The following IL1RN variants were observed in gnomAD, a reference collection of about 807,000 sequenced individuals.
IL1RN encodes interleukin-1 receptor antagonist protein.
IL1RN carries 10 observed loss-of-function variants against 13.7 expected under a neutral mutation model. That is an observed-to-expected ratio of 0.73 (90% CI 0.45 to 1.24). The LOEUF is 1.24. IL1RN is among the 50% of genes most tolerant of loss of function. The pLI is 0.00. For synonymous variants in IL1RN, 102 were observed against 82.7 expected, an observed-to-expected ratio of 1.23 and a Z score of -1.27; for missense variants, 213 against 222.1, an observed-to-expected ratio of 0.96 and a Z score of 0.26.
chr2:113,132,526 T>C, intron 3 of IL1RN, 130 bp from the exon 4 acceptor site: 1 of 787,628 alleles, frequency 1.3e-6, no homozygotes, highest in Non-Finnish European at 2.2e-6. Context: ...TGGGGGCTTT[T>C]AGGGTATGGC....
At chr2:113,127,439 G>A (rs949086412), upstream of IL1RN, 6 of 1,391,150 alleles carry the variant, frequency 4.3e-6, no homozygotes, top group African/African-American at 1.5e-5. Context: ...ACACTCCATT[G>A]CGACACTTAG....
upstream of IL1RN, among the ~76,000 whole-genome samples, chr2:113,127,004 A>C (rs1686984734): frequency 6.6e-6 from 1 of 152,232 alleles, no homozygotes; most frequent in Non-Finnish European, 1.5e-5. Flanking sequence ...CGCTTTTGCA[A>C]AGAAAGTTGT....
intron 2 of IL1RN, chr2:113,121,364 C>A: frequency 1.4e-6 from 1 of 711,460 alleles, no homozygotes; most frequent in Non-Finnish European, 1.7e-6. Context: ...AAGTGTAACA[C>A]AGAGCCTAAA....
upstream of IL1RN, among the ~76,000 whole-genome samples, chr2:113,113,745 G>A (rs1216358841): frequency 1.3e-5 from 2 of 152,100 alleles, no homozygotes; most frequent in African/African-American, 4.8e-5. Flanking sequence ...TATGTCAATC[G>A]TACCTCAGTA....
rs4251970 is a variant in IL1RN, at chr2:113,118,196, A to G, written c.10+168A>G. Among the ~76,000 whole-genome samples, 31,775 of 152,156 alleles carry G rather than the reference A, an allele frequency of 0.21. 4,048 individuals are homozygous for G. Among genetic ancestry groups the G allele is most frequent in the South Asian group, 0.28 (1,372 of 4,832 alleles). ...GGGATCTGGGCACGGGGAGGCATCC[A>G]TGGGAGACCATGCAGGCACTCTGAG... On this transcript the variant is annotated intron_variant, in intron 1 of 5. Transcript: ENST00000259206.
intron 1 of IL1RN, among the ~76,000 whole-genome samples, 171 bp downstream of exon 1, chr2:113,127,911 G>T (rs895443817): frequency 6.6e-6 from 1 of 152,218 alleles, no homozygotes; most frequent in African/African-American, 2.4e-5. Context: ...TTCAGGACTT[G>T]TGTTTCAAAA....
chr2:113,130,367 G>A (rs1453913625), intron 2 of IL1RN, among the ~76,000 whole-genome samples: 1 of 152,234 alleles, frequency 6.6e-6, no homozygotes, highest in Non-Finnish European at 1.5e-5. Context: ...TGAACACACT[G>A]AAGCACGAGG....
At chr2:113,111,820 A>G (rs1558860005) in intron 1 of IL1RN, among the ~76,000 whole-genome samples, 1 of 152,270 alleles carries the variant, frequency 6.6e-6, no homozygotes, top group Non-Finnish European at 1.5e-5. Context: ...ACCATCCTCT[A>G]TCAGTCAGGT....
At chr2:113,113,467 C>T (rs1686535679), upstream of IL1RN, among the ~76,000 whole-genome samples, 1 of 152,078 alleles carries the variant, frequency 6.6e-6, no homozygotes. Flanking sequence ...TTCAGTTATA[C>T]AAGATAAATA....
rs77962003 is a variant in IL1RN at position 113,121,451 on chromosome 2, G to A, written c.73+1323G>A. The A allele has an allele frequency of 1.3e-4, 131 of 985,374 alleles. No individual in the cohort carries two copies. The African/African-American group carries it at 2.2e-3, about 16-fold the overall frequency. 61.0% of individuals were successfully genotyped at this position (985,374 alleles called of 1,614,324 possible). Reference sequence around the variant, plus strand: ...CTCCATTTCCTCCTGTCTGCAGGGGGATTATAAAACTAATCATCAAAGCCA... The same window carrying A: ...CTCCATTTCCTCCTGTCTGCAGGGGAATTATAAAACTAATCATCAAAGCCA... On this transcript the variant is annotated intron_variant, in intron 2 of 5. Coordinates refer to the IL1RN transcript ENST00000259206.
chr2:113,131,233 C>T (rs1573308729), intron 3 of IL1RN, 76 bp downstream of exon 3: 3 of 882,284 alleles, frequency 3.4e-6, no homozygotes, highest in South Asian at 1.3e-5. Context: ...TCTTATGATT[C>T]TGTGGGTTGA....
At chr2:113,123,087 T>C (rs1263367470), upstream of IL1RN, among the ~76,000 whole-genome samples, 1 of 152,150 alleles carries the variant, frequency 6.6e-6, no homozygotes, top group Admixed American at 6.5e-5. Flanking sequence ...ATTGCTCCAC[T>C]GCACTCCAGC....
At chr2:113,101,385 AT>A in the IL1RN span, among the ~76,000 whole-genome samples, 72 of 152,332 alleles carry the variant, frequency 4.7e-4, no homozygotes, top group African/African-American at 1.7e-3. Context: ...ATTCAATGAT[AT>A]TTTAATATCT....
upstream of IL1RN, among the ~76,000 whole-genome samples, chr2:113,126,312 A>C (rs1040171409): frequency 2.6e-5 from 4 of 152,190 alleles, no homozygotes; most frequent in East Asian, 1.9e-4. Context: ...GCTGGAGGTC[A>C]GAAGACCTGG....
At chr2:113,102,464 T>C (rs889425278), upstream of IL1RN, among the ~76,000 whole-genome samples, 1 of 152,134 alleles carries the variant, frequency 6.6e-6, no homozygotes, top group Non-Finnish European at 1.5e-5. Flanking sequence ...TTGCAATGGT[T>C]TGGACAAGCA....
At position 113,133,013 on chromosome 2, in the gene IL1RN, C is replaced by A; in HGVS notation, c.*142C>A. On this transcript the variant is annotated 3_prime_UTR_variant, in exon 4 of 4. Transcript: ENST00000409930. ...GACCCTCAGAAGGCGTCACAACAAC[C>A]TGGTCACAGGACTCTGCCTCCTCTT... is the stretch of plus-strand genomic sequence containing the variant. 6.5e-6 allele frequency: 5 copies of A among 766,386 alleles called. No homozygotes were observed. In the South Asian group the frequency reaches 7.2e-5, roughly 11 times the overall value. The allele number at this position is 766,386 out of a possible 1,614,324, so 47.5% of individuals were successfully genotyped here. A position where few individuals can be genotyped will look rare whatever the true frequency, so the allele number is the denominator to read the frequency against.
chr2:113,105,730 T>C (rs930149541), upstream of IL1RN, among the ~76,000 whole-genome samples: 4 of 152,280 alleles, frequency 2.6e-5, no homozygotes, highest in Non-Finnish European at 5.9e-5. Flanking sequence ...AACAACTGTA[T>C]AATTGTCTAT....
At chr2:113,110,240 C>CAGGT (rs1686472458), upstream of IL1RN, among the ~76,000 whole-genome samples, 1 of 152,208 alleles carries the variant, frequency 6.6e-6, no homozygotes, top group Non-Finnish European at 1.5e-5. Flanking sequence ...ACACTCAAAT[C>CAGGT]CCAGGTCCTA....
intron 3 of IL1RN, 34 bp from the exon 4 acceptor site, chr2:113,132,622 C>T (rs1414547963): frequency 1.9e-6 from 3 of 1,595,900 alleles, no homozygotes; most frequent in Non-Finnish European, 2.6e-6. Flanking sequence ...CTTCCTAGGC[C>T]TCAGCTCTCA....
Sources: allele counts gnomAD v4.1 joint callset (sites outside exome capture counted in the v4.1 genomes callset), GRCh38; gene constraint gnomAD v4.1.1; transcripts MANE v1.5; gene names NCBI Gene and HGNC (gene_info 2026-07-23, HGNC 2026-07-21).